NAPB: variants seen among roughly 807,000 people sequenced by gnomAD.
NAPB encodes NSF attachment protein beta.
A neutral mutation model predicts 44.7 loss-of-function variants in NAPB; 26 were observed. The observed-to-expected ratio is 0.58, with a 90% CI of 0.43 to 0.81. NAPB has a LOEUF of 0.81. NAPB is among the 30% of genes least tolerant of loss of function. The pLI is 0.00. For synonymous variants in NAPB, 120 were observed against 116.8 expected, an observed-to-expected ratio of 1.03 and a Z score of -0.18; for missense variants, 315 against 356.4, an observed-to-expected ratio of 0.88 and a Z score of 0.94.
At chr20:23,386,216 A>T (rs1215208033) in intron 7 of NAPB, among the ~76,000 whole-genome samples, 1 of 152,238 alleles carries the variant, frequency 6.6e-6, no homozygotes, top group Non-Finnish European at 1.5e-5. Flanking sequence ...CACAACAAAG[A>T]TGAAAATCAG....
At chr20:23,410,558 A>G (rs955380969) in intron 1 of NAPB, among the ~76,000 whole-genome samples, 21 of 152,344 alleles carry the variant, frequency 1.4e-4, no homozygotes, top group Non-Finnish European at 1.0e-4. Flanking sequence ...TGGGGAGAGA[A>G]ACAGTTGAAA....
chr20:23,407,951 G>A (rs1018918580), intron 1 of NAPB, among the ~76,000 whole-genome samples: 5 of 152,194 alleles, frequency 3.3e-5, no homozygotes, highest in Non-Finnish European at 7.3e-5. Flanking sequence ...CTGTGGGTGG[G>A]AGGAAGGAGA....
rs2123259797 is a variant in NAPB, at chr20:23,413,842, A to G, written c.98+7463T>C. ...CAAGAAAGTTATCAAAGAAATACCCATCAAAAGCCCCAATGGTTTCACTGT... is the reference window on the plus strand; with the variant it reads ...CAAGAAAGTTATCAAAGAAATACCCGTCAAAAGCCCCAATGGTTTCACTGT... On this transcript the variant is annotated intron_variant, in intron 1 of 10. Transcript: ENST00000377026. Among the ~76,000 whole-genome samples, 3 of 152,162 alleles carry G rather than the reference A, an allele frequency of 2.0e-5. 1 individual carries two copies. The Middle Eastern group carries it at 0.01, about 518-fold the overall frequency.
At chr20:23,406,031 C>T (rs1454428521) in intron 1 of NAPB, among the ~76,000 whole-genome samples, 1 of 152,142 alleles carries the variant, frequency 6.6e-6, no homozygotes, top group Non-Finnish European at 1.5e-5. Context: ...GCCCTCTGCT[C>T]TCATGAATGT....
intron 7 of NAPB, among the ~76,000 whole-genome samples, chr20:23,381,649 T>A (rs1983012704): frequency 6.6e-6 from 1 of 152,180 alleles, no homozygotes; most frequent in Non-Finnish European, 1.5e-5. Flanking sequence ...AACGTGGTAG[T>A]GGGTTCCCTC....
intron 1 of NAPB, among the ~76,000 whole-genome samples, chr20:23,403,328 C>A (rs1203839644): frequency 6.6e-6 from 1 of 152,272 alleles, no homozygotes; most frequent in African/African-American, 2.4e-5. Context: ...CAGGGCAGGG[C>A]ATGATGGCTC....
At chr20:23,379,568 A>G in intron 9 of NAPB, 73 bp from the exon 10 acceptor site, 4 of 1,182,636 alleles carry the variant, frequency 3.4e-6, no homozygotes, top group Admixed American at 4.5e-5. Flanking sequence ...TACTTTAAGT[A>G]TAATACCAAT....
chr20:23,399,659 A>G (rs1240540282), intron 2 of NAPB, among the ~76,000 whole-genome samples: 1 of 152,240 alleles, frequency 6.6e-6, no homozygotes, highest in Non-Finnish European at 1.5e-5. Context: ...GTGAATCATG[A>G]GAGGCTGGTG....
intron 7 of NAPB, among the ~76,000 whole-genome samples, chr20:23,383,645 A>G (rs1983224822): frequency 6.6e-6 from 1 of 152,226 alleles, no homozygotes; most frequent in Admixed American, 6.5e-5. Context: ...CAGATAGGGG[A>G]AAACTAAGAA....
At chr20:23,410,284 C>G (rs1001273625) in intron 1 of NAPB, among the ~76,000 whole-genome samples, 2 of 152,158 alleles carry the variant, frequency 1.3e-5, no homozygotes, top group Non-Finnish European at 1.5e-5. Flanking sequence ...CTAAGAAACC[C>G]ATGAAGTCAC....
chr20:23,412,925 G>A (rs1405725183), intron 1 of NAPB, among the ~76,000 whole-genome samples: 1 of 152,230 alleles, frequency 6.6e-6, no homozygotes, highest in Non-Finnish European at 1.5e-5. Context: ...GAACCTGGGA[G>A]GTGGAGGTTG....
chr20:23,411,834 G>A (rs573763152), intron 1 of NAPB, among the ~76,000 whole-genome samples: 1 of 152,142 alleles, frequency 6.6e-6, no homozygotes, highest in South Asian at 2.1e-4. Context: ...TAAAAAAAGA[G>A]ACATGAAGAC....
chr20:23,385,372 C>T (rs1232357434), intron 7 of NAPB, among the ~76,000 whole-genome samples: 1 of 152,090 alleles, frequency 6.6e-6, no homozygotes, highest in African/African-American at 2.4e-5. Context: ...AAGTATGTGA[C>T]GCAAAGACTG....
intron 1 of NAPB, among the ~76,000 whole-genome samples, chr20:23,407,338 G>A (rs535037134): frequency 3.6e-4 from 55 of 152,158 alleles, no homozygotes; most frequent in Admixed American, 6.5e-4. Context: ...TCACAGTGAG[G>A]CAGAAGATCC....
intron 7 of NAPB, among the ~76,000 whole-genome samples, chr20:23,387,995 T>C (rs1457650072): frequency 6.6e-6 from 1 of 152,264 alleles, no homozygotes; most frequent in East Asian, 1.9e-4. Context: ...AAAACCTGAA[T>C]AAAATAAAAG....
chr20:23,403,065 T>A lies in NAPB; in HGVS notation c.106A>T (p.Thr36Ser). 6.2e-7 allele frequency: 1 copy of A among 1,612,222 alleles called. No homozygotes were observed. The highest frequency in any genetic ancestry group is 2.2e-5 in the East Asian group (1 of 44,860). The change falls in exon 2 of 11, where the codon ACA (threonine) becomes TCA (serine). Residue 36 changes from threonine (T) to serine (S), a missense_variant. Physicochemically the swap from Thr to Ser is moderately conservative, Grantham distance 58. This residue lies in a region of NAPB where 179 missense variants were observed against 182.5 expected (regional missense o/e 0.98). Coordinates refer to ENST00000377026, the MANE Select transcript of NAPB (RefSeq NM_022080.3). ...SFLRGLFGGN[T>S]RIEEACEMYT... ...ATTTCACAAGCCTCTTCTATTCTTG[T>A]GTTTCCTCTGAGAAAAAGTTAAAAA...
chr20:23,403,251 T>A (rs1984981887), intron 1 of NAPB, among the ~76,000 whole-genome samples, 179 bp from the exon 2 acceptor site: 1 of 152,120 alleles, frequency 6.6e-6, no homozygotes, highest in Admixed American at 6.5e-5. Flanking sequence ...GAAACTGGGG[T>A]GTTAAGTGGT....
At chr20:23,411,109 G>A (rs1985624268) in intron 1 of NAPB, among the ~76,000 whole-genome samples, 1 of 152,172 alleles carries the variant, frequency 6.6e-6, no homozygotes, top group African/African-American at 2.4e-5. Flanking sequence ...CAATATCCAT[G>A]TAATGAGAGT....
intron 1 of NAPB, among the ~76,000 whole-genome samples, chr20:23,407,622 G>A (rs1985343795): frequency 6.6e-6 from 1 of 152,016 alleles, no homozygotes; most frequent in African/African-American, 2.4e-5. Flanking sequence ...ACTTATTCAG[G>A]AAATATTTAC....
Sources: allele counts gnomAD v4.1 joint callset (sites outside exome capture counted in the v4.1 genomes callset), GRCh38; gene constraint gnomAD v4.1.1; regional missense constraint gnomAD v4.1.1; transcripts MANE v1.5; gene names NCBI Gene and HGNC (gene_info 2026-07-23, HGNC 2026-07-21).